OTOP1: variants seen among roughly 807,000 people sequenced by gnomAD.
OTOP1 encodes the protein proton channel OTOP1.
A neutral mutation model predicts 52.9 loss-of-function variants in OTOP1; 59 were observed. The observed-to-expected ratio is 1.12, with a 90% confidence interval of 0.91 to 1.39. OTOP1 has a LOEUF of 1.39. OTOP1 is among the 40% of genes most tolerant of loss of function. The pLI, the probability that OTOP1 is intolerant of heterozygous loss-of-function variation, is 0.00. For synonymous variants in OTOP1, 317 were observed against 337.7 expected, an observed-to-expected ratio of 0.94 and a Z score of 0.67; for missense variants, 761 against 800.9, an observed-to-expected ratio of 0.95 and a Z score of 0.60.
intron 2 of OTOP1, among the ~76,000 whole-genome samples, chr4:4,208,465 T>C (rs1043604890): frequency 1.3e-5 from 2 of 152,216 alleles, no homozygotes; most frequent in African/African-American, 4.8e-5. Flanking sequence ...AAAATTCTGA[T>C]ACATGCTACA....
chr4:4,192,693 A>G (rs532668605), intron 5 of OTOP1, among the ~76,000 whole-genome samples: 2 of 152,228 alleles, frequency 1.3e-5, no homozygotes, highest in South Asian at 4.2e-4. Flanking sequence ...CAGGAACTCA[A>G]GTGTGAAGGC....
chr4:4,209,683 G>A (rs1000597820), intron 2 of OTOP1, among the ~76,000 whole-genome samples: 4 of 152,082 alleles, frequency 2.6e-5, no homozygotes, highest in African/African-American at 7.2e-5. Context: ...TATGAAATAG[G>A]TACTGTGATT....
At chr4:4,208,527 G>A (rs1716957051) in intron 2 of OTOP1, among the ~76,000 whole-genome samples, 1 of 152,150 alleles carries the variant, frequency 6.6e-6, no homozygotes. Context: ...CCAGACACAA[G>A]AAGACCAATA....
chr4:4,197,497 G>A lies in OTOP1; in HGVS notation c.1337C>T (p.Ser446Phe), dbSNP rs757003382. The stretch of plus-strand genomic sequence containing the variant: ...GAGTTTTTCAGGCTCTCGGTGAATG[G>A]ATTCAAAGATGAAGAGGTTCTGGAT... ...KYIQNLFIFE[S>F]IHREPEKLSE... Residue 446 changes from serine (S) to phenylalanine (F), a missense_variant, in exon 5 of 6, where the codon TCC (serine) becomes TTC (phenylalanine). Coordinates refer to ENST00000296358, the MANE Select transcript of OTOP1 (RefSeq NM_177998.3). The A allele has an allele frequency of 7.4e-6, 12 of 1,614,122 alleles. No individual in the cohort carries two copies. In the East Asian group the frequency reaches 2.7e-4, roughly 36 times the overall value.
rs577905577 is a variant in OTOP1 at position 4,224,467 on chromosome 4, G to A, written c.403+1995C>T. ...GAAGAAGGGAGAAAAAAGGATGGAG[G>A]AGAGAAAGAAGGAACAAAAAAGGGG... On this transcript the variant is annotated intron_variant, in intron 1 of 5. Coordinates refer to ENST00000296358, the MANE Select transcript of OTOP1 (RefSeq NM_177998.3). Among the ~76,000 whole-genome samples, 40 of 152,120 alleles carry A rather than the reference G, an allele frequency of 2.6e-4. 1 individual carries two copies. The highest frequency in any genetic ancestry group is 9.6e-4 in the African/African-American group (40 of 41,500).
chr4:4,197,647 C>A lies in OTOP1; in HGVS notation c.1187G>T (p.Gly396Val), dbSNP rs1315671689. 8 of 1,613,722 alleles carry A rather than the reference C, an allele frequency of 5.0e-6. No individual in the cohort carries two copies. The highest frequency in any genetic ancestry group is 5.9e-6 in the Non-Finnish European group (7 of 1,179,976). ...GATAAGCCAGGAGCCCGAGGCAGTG[C>A]CCACCAAGAGGTCCGAGTCCAGTTT... Reference protein sequence around the residue: ...ARKLDSDLLVGTASGSWLISW... With the variant: ...ARKLDSDLLVVTASGSWLISW... Residue 396 changes from glycine to valine, a missense_variant, in exon 5 of 6, where the codon GGC (glycine) becomes GTC (valine). Gly to Val is a moderately radical substitution (Grantham distance 109). Coordinates refer to ENST00000296358, the MANE Select transcript of OTOP1 (RefSeq NM_177998.3).
In OTOP1 at chr4:4,222,669, C is replaced by T. The variant is rs555321983; in HGVS notation, c.403+3793G>A. On this transcript the variant is annotated intron_variant, in intron 1 of 5. Transcript: ENST00000296358. ...GTTAAGCAAGACCCTCATAGTGGCC[C>T]CAGAATGGATCTTGGGGATCACTGC... Among the ~76,000 whole-genome samples the T allele has an allele frequency of 9.2e-5, 14 of 152,274 alleles. 1 individual carries two copies. The South Asian group carries it at 2.7e-3, about 29-fold the overall frequency.
At chr4:4,216,616 T>C (rs750657054) in intron 1 of OTOP1, among the ~76,000 whole-genome samples, 2 of 152,224 alleles carry the variant, frequency 1.3e-5, no homozygotes, top group Non-Finnish European at 2.9e-5. Flanking sequence ...ATTTATTTTT[T>C]AATCCTGGAA....
At chr4:4,198,208 C>T (rs1217190841) in intron 4 of OTOP1, 105 bp from the exon 5 acceptor site, 5 of 904,408 alleles carry the variant, frequency 5.5e-6, no homozygotes, top group Non-Finnish European at 8.5e-6. Flanking sequence ...TTGGGTCTTC[C>T]CACTGGATTA....
chr4:4,197,318 T>C lies in OTOP1; in HGVS notation c.1516A>G (p.Arg506Gly), dbSNP rs781774438. The C allele has an allele frequency of 1.2e-6, 2 of 1,614,106 alleles. No individual in the cohort carries two copies. Among genetic ancestry groups the C allele is most frequent in the Non-Finnish European group, 1.7e-6 (2 of 1,180,024 alleles). The stretch of plus-strand genomic sequence containing the variant: ...TCCTCCTCCTTGTCATGGCTTTCTC[T>C]CATGCACACATTTCCATTGGCTGCT... ...PPAANGNVCM[R>G]ESHDKEEEKQ... Residue 506 changes from arginine to glycine, a missense_variant, in exon 5 of 6, where the codon AGA becomes GGA. Physicochemically the swap from Arg to Gly is moderately radical, Grantham distance 125 (BLOSUM62 -2). Coordinates refer to ENST00000296358, the MANE Select transcript of OTOP1 (RefSeq NM_177998.3).
chr4:4,207,835 T>C (rs1716939466), intron 2 of OTOP1, among the ~76,000 whole-genome samples: 1 of 152,214 alleles, frequency 6.6e-6, no homozygotes, highest in Non-Finnish European at 1.5e-5. Context: ...GAGACAGGTC[T>C]GTGCCTTTCA....
chr4:4,225,519 T>G (rs2108808400), intron 1 of OTOP1, among the ~76,000 whole-genome samples: 1 of 145,830 alleles, frequency 6.9e-6, no homozygotes, highest in Non-Finnish European at 1.5e-5. Context: ...TAGTGAGCTG[T>G]GATTGTGCCA....
intron 4 of OTOP1, among the ~76,000 whole-genome samples, chr4:4,199,344 C>T (rs111957892): frequency 6.6e-6 from 1 of 150,910 alleles, no homozygotes; most frequent in African/African-American, 2.4e-5. Context: ...CAATGAGATA[C>T]TAAACAGCCA....
intron 5 of OTOP1, among the ~76,000 whole-genome samples, chr4:4,190,605 T>C (rs1716480457): frequency 6.6e-6 from 1 of 152,212 alleles, no homozygotes; most frequent in Non-Finnish European, 1.5e-5. Flanking sequence ...ATTTAAATTG[T>C]ATTAGGTATT....
At chr4:4,193,693 G>T (rs115791943) in intron 5 of OTOP1, among the ~76,000 whole-genome samples, 4,700 of 152,274 alleles carry the variant, frequency 0.031, 224 homozygotes, top group African/African-American at 0.1. Flanking sequence ...GGGAGGAAGA[G>T]ATGAAGCCCA....
At chr4:4,204,441 T>C (rs1716853078) in intron 3 of OTOP1, among the ~76,000 whole-genome samples, 1 of 152,182 alleles carries the variant, frequency 6.6e-6, no homozygotes, top group Non-Finnish European at 1.5e-5. Context: ...TCATTTTTCC[T>C]GGTCCAAATG....
intron 4 of OTOP1, among the ~76,000 whole-genome samples, chr4:4,201,376 G>A (rs923807190): frequency 4.0e-5 from 6 of 151,850 alleles, no homozygotes; most frequent in African/African-American, 7.3e-5. Context: ...GCAGTGAGCC[G>A]AGGTCACGCC....
chr4:4,220,608 T>G (rs1329520115), intron 1 of OTOP1, among the ~76,000 whole-genome samples: 1 of 152,174 alleles, frequency 6.6e-6, no homozygotes, highest in African/African-American at 2.4e-5. Flanking sequence ...GAGTGAGTCA[T>G]TACATGGAAG....
chr4:4,214,100 A>G (rs1457978997), intron 1 of OTOP1, among the ~76,000 whole-genome samples: 1 of 152,210 alleles, frequency 6.6e-6, no homozygotes, highest in Non-Finnish European at 1.5e-5. Flanking sequence ...CCAAAAATCA[A>G]TCAATCAACA....
Sources: allele counts gnomAD v4.1 joint callset (sites outside exome capture counted in the v4.1 genomes callset), GRCh38; gene constraint gnomAD v4.1.1; transcripts MANE v1.5; gene names NCBI Gene and HGNC (gene_info 2026-07-23, HGNC 2026-07-21).